The following TFDP2 variants were observed in gnomAD, a reference collection of about 807,000 sequenced individuals.
The protein encoded by TFDP2 is transcription factor Dp-2 (E2F dimerization partner 2).
TFDP2 carries 17 observed loss-of-function variants against 59.3 expected under a neutral mutation model. The ratio of observed to expected loss-of-function variants is 0.29; its 90% CI spans 0.20 to 0.43. The LOEUF is 0.43. Among genes scored for constraint, TFDP2 ranks in the 20% least tolerant of loss-of-function variants. The pLI, the probability that TFDP2 is intolerant of heterozygous loss-of-function variation, is 1.00. For synonymous variants in TFDP2, 180 were observed against 194.7 expected (o/e 0.92, Z 0.63); for missense variants, 391 against 528.8 (o/e 0.74, Z 2.56).
intron 3 of TFDP2, among the ~76,000 whole-genome samples, chr3:142,058,310 A>T (rs2059806813): frequency 6.6e-6 from 1 of 151,422 alleles, no homozygotes; most frequent in African/African-American, 2.4e-5. Context: ...TCTGACACCA[A>T]ATGTTTGGGT....
At chr3:142,099,699 C>CAA (rs766026708) in intron 2 of TFDP2, among the ~76,000 whole-genome samples, 9 of 124,664 alleles carry the variant, frequency 7.2e-5, no homozygotes, top group African/African-American at 9.1e-5. Flanking sequence ...GACTCCATTT[C>CAA]AAAAAAAAAA....
In TFDP2 at chr3:141,952,632, T is replaced by C. The variant is rs778949388; in HGVS notation, c.1222A>G (p.Asn408Asp). 3.8e-6 allele frequency: 6 copies of C among 1,597,070 alleles called. No homozygotes were observed. The highest frequency in any genetic ancestry group is 5.1e-6 in the Non-Finnish European group (6 of 1,175,970). Residue 408 changes from asparagine (N) to aspartate (D), a missense_variant, in exon 13 of 13, where the codon AAC (asparagine) becomes GAC (aspartate). Transcript: ENST00000489671. ...GCCGCACTGCTGGACTGGTGACTGT[T>C]TGGGGCCAGGAACTGCCCAGTTGCT... ...ALATGQFLAPNSHQSSSAASH... is the reference protein window; with the variant it reads ...ALATGQFLAPDSHQSSSAASH...
At chr3:142,109,387 G>A (rs1226542836) in intron 1 of TFDP2, among the ~76,000 whole-genome samples, 1 of 150,228 alleles carries the variant, frequency 6.7e-6, no homozygotes, top group African/African-American at 2.4e-5. Flanking sequence ...AGAGGGCAAC[G>A]GTGCGATCTC....
intron 6 of TFDP2, among the ~76,000 whole-genome samples, chr3:141,985,519 C>CAAAAAA (rs61684289): frequency 1.3e-5 from 1 of 74,412 alleles, no homozygotes; most frequent in Non-Finnish European, 2.5e-5. Context: ...GACGCTGTCT[C>CAAAAAA]AAAAAAAAAA....
At chr3:142,054,710 T>C (rs1267440660) in intron 3 of TFDP2, among the ~76,000 whole-genome samples, 1 of 152,190 alleles carries the variant, frequency 6.6e-6, no homozygotes, top group Admixed American at 6.6e-5. Context: ...TTTGTCAACA[T>C]ACCTAGGTTC....
rs961049980 is a variant in TFDP2, at chr3:141,949,059, G to C, written c.*3454C>G. On this transcript the variant is annotated 3_prime_UTR_variant, in exon 13 of 13. Transcript: ENST00000489671. The stretch of plus-strand genomic sequence containing the variant: ...CCACTGCACTCCAGCCTGGGCAACA[G>C]AGCGAGACTCAGTCTCAAAAAAAAA... The C allele has an allele frequency of 2.6e-5, 3 of 114,888 alleles. No homozygotes were observed. Among genetic ancestry groups the C allele is most frequent in the African/African-American group, 7.0e-5 (2 of 28,508 alleles). The allele number at this position is 114,888 out of a possible 1,614,324, so 7.1% of individuals were successfully genotyped here.
intron 3 of TFDP2, among the ~76,000 whole-genome samples, chr3:142,079,129 C>A (rs1400234388): frequency 6.6e-6 from 1 of 151,814 alleles, no homozygotes; most frequent in Non-Finnish European, 1.5e-5. Flanking sequence ...CTGGTGAAGC[C>A]CCATCTCTAC....
chr3:142,040,944 G>A (rs1008636302), intron 3 of TFDP2, among the ~76,000 whole-genome samples: 2 of 152,130 alleles, frequency 1.3e-5, no homozygotes, highest in Non-Finnish European at 2.9e-5. Context: ...CACTAAAAAT[G>A]TATTGTGGGG....
At chr3:142,059,290 G>A (rs1026758286) in intron 3 of TFDP2, among the ~76,000 whole-genome samples, 6 of 152,052 alleles carry the variant, frequency 3.9e-5, no homozygotes, top group Non-Finnish European at 8.8e-5. Flanking sequence ...TCCAATGACT[G>A]TATCAATGTT....
chr3:142,091,043 A>C (rs2060979501), intron 3 of TFDP2, among the ~76,000 whole-genome samples: 1 of 152,104 alleles, frequency 6.6e-6, no homozygotes, highest in African/African-American at 2.4e-5. Flanking sequence ...TAGAGCAGAG[A>C]TTCCCAGTTA....
chr3:142,096,148 A>G (rs2061156336), intron 2 of TFDP2, among the ~76,000 whole-genome samples: 1 of 152,212 alleles, frequency 6.6e-6, no homozygotes, highest in African/African-American at 2.4e-5. Context: ...CTCCAAAAAG[A>G]TAAAAGTCAA....
At chr3:141,994,318 T>C (rs1317601060) in intron 5 of TFDP2, 1 of 152,196 alleles carries the variant, frequency 6.6e-6, no homozygotes, top group Non-Finnish European at 1.5e-5. Flanking sequence ...AACTCACATA[T>C]GACAGAATCA....
chr3:142,123,170 C>T (rs73236009), intron 1 of TFDP2, among the ~76,000 whole-genome samples: 12,647 of 152,124 alleles, frequency 0.083, 652 homozygotes, highest in Middle Eastern at 0.14. Flanking sequence ...TCACTCTGAC[C>T]GACGCCCAGG....
chr3:142,004,778 G>C (rs1236311376), intron 4 of TFDP2, among the ~76,000 whole-genome samples: 7 of 152,102 alleles, frequency 4.6e-5, no homozygotes, highest in Non-Finnish European at 1.0e-4. Context: ...ACATAGTTTA[G>C]AGTAGTAAAG....
intron 8 of TFDP2, among the ~76,000 whole-genome samples, chr3:141,973,305 G>A (rs1439917361): frequency 6.6e-6 from 1 of 151,312 alleles, no homozygotes. Context: ...GTAGAGACGG[G>A]GTTTTACCAT....
At chr3:142,009,295 ACT>A (rs1230071660) in intron 3 of TFDP2, among the ~76,000 whole-genome samples, 9 of 152,116 alleles carry the variant, frequency 5.9e-5, no homozygotes, top group Non-Finnish European at 1.2e-4. Flanking sequence ...CAAGATCATA[ACT>A]CATCCTGAGT....
chr3:141,995,050 T>C lies in TFDP2; in HGVS notation c.278A>G (p.His93Arg). ...GACCCAGCCAGTAGCTTCTGCTATGTGTGTCTGAGTAACCATTGCTGGTGC... is the reference window on the plus strand; with the variant it reads ...GACCCAGCCAGTAGCTTCTGCTATGCGTGTCTGAGTAACCATTGCTGGTGC... ...TPAPAMVTQTHIAEATGWVPG... is the reference protein window; with the variant it reads ...TPAPAMVTQTRIAEATGWVPG... Residue 93 changes from histidine to arginine, a missense_variant, in exon 5 of 13, where the codon CAC (histidine) becomes CGC (arginine). His to Arg is a conservative substitution (Grantham distance 29). Transcript: ENST00000489671. 1 of 1,608,702 alleles carries C rather than the reference T, an allele frequency of 6.2e-7. No homozygotes were observed. Among genetic ancestry groups the C allele is most frequent in the Non-Finnish European group, 8.5e-7 (1 of 1,177,112 alleles).
chr3:142,094,132 A>C (rs2061087280), intron 2 of TFDP2, among the ~76,000 whole-genome samples: 4 of 152,168 alleles, frequency 2.6e-5, no homozygotes, highest in Non-Finnish European at 1.5e-5. Flanking sequence ...AGGAAAAAAA[A>C]CCCTCAATTT....
At chr3:142,148,253 T>C (rs749099855) in intron 1 of TFDP2, among the ~76,000 whole-genome samples, 1 of 152,098 alleles carries the variant, frequency 6.6e-6, no homozygotes, top group Non-Finnish European at 1.5e-5. Flanking sequence ...AGGGAGTCTG[T>C]GCCCTCTGAG....
Sources: allele counts gnomAD v4.1 joint callset (sites outside exome capture counted in the v4.1 genomes callset), GRCh38; gene constraint gnomAD v4.1.1; transcripts MANE v1.5; gene names NCBI Gene and HGNC (gene_info 2026-07-23, HGNC 2026-07-21).